The following CNIH3 variants were observed in gnomAD, a reference collection of about 807,000 sequenced individuals.
The protein encoded by CNIH3 is protein cornichon homolog 3.
Under a neutral mutation model 24.1 loss-of-function variants are expected in CNIH3, and 14 were observed. The ratio of observed to expected loss-of-function variants is 0.58; its 90% confidence interval spans 0.38 to 0.91. The LOEUF is 0.91. Ranked by LOEUF, CNIH3 falls within the 40% of genes least tolerant of loss-of-function variation. The pLI is 0.00. For synonymous variants in CNIH3, 68 were observed against 73.8 expected (o/e 0.92, Z 0.40); for missense variants, 178 against 196.8 (o/e 0.90, Z 0.57).
At chr1:224,553,676 C>T (rs1037509054) in intron 3 of CNIH3, among the ~76,000 whole-genome samples, 1 of 152,098 alleles carries the variant, frequency 6.6e-6, no homozygotes, top group Admixed American at 6.6e-5. Context: ...GTTTGACATG[C>T]ACCCTCCAGT....
Position 224,706,888 on chromosome 1 carries a change from A to G in CNIH3, c.198+22045A>G, listed in dbSNP as rs574359809. Among the ~76,000 whole-genome samples the G allele has an allele frequency of 7.3e-5, 11 of 150,590 alleles. No homozygotes were observed. In the South Asian group the frequency reaches 1.3e-3, roughly 17 times the overall value. On this transcript the variant is annotated intron_variant, in intron 3 of 5. Coordinates refer to ENST00000272133, the MANE Select transcript of CNIH3 (RefSeq NM_152495.2). ...TTGACTTTTCATTATTCACATGTGG[A>G]TAATTTTTCATATTATTATGTACTT...
chr1:224,569,273 T>C (rs747555979), intron 4 of CNIH3, among the ~76,000 whole-genome samples: 4 of 152,342 alleles, frequency 2.6e-5, no homozygotes, highest in Admixed American at 1.3e-4. Context: ...GGAATCATAC[T>C]GTATGAATTT....
In CNIH3 at chr1:224,546,704, T is replaced by G. The variant is rs190742841; in HGVS notation, n.340-125T>G. On this transcript the variant is annotated intron_variant and non_coding_transcript_variant, in intron 2 of 5. Coordinates refer to the CNIH3 transcript ENST00000471578. ...AACCCACTGCTCCAGGAAGCACCTA[T>G]TTTTCATGCCTTCTGTGAGTTGTCA... is the stretch of plus-strand genomic sequence containing the variant. The G allele has an allele frequency of 2.6e-3, 413 of 161,734 alleles. 3 individuals are homozygous for G. Among genetic ancestry groups the G allele is most frequent in the Middle Eastern group, 0.025 (8 of 320 alleles). 10.0% of individuals were successfully genotyped at this position (161,734 alleles called of 1,614,324 possible). A position where few individuals can be genotyped will look rare whatever the true frequency, so the allele number is the denominator to read the frequency against.
upstream of CNIH3, among the ~76,000 whole-genome samples, chr1:224,512,175 CA>C (rs71779272): frequency 0.21 from 27,673 of 132,718 alleles, 2,583 homozygotes; most frequent in South Asian, 0.28. Flanking sequence ...AACACCGTCT[CA>C]AAAAAAAAAA....
At chr1:224,519,177 G>A (rs1339964303) in intron 1 of CNIH3, among the ~76,000 whole-genome samples, 3 of 152,122 alleles carry the variant, frequency 2.0e-5, no homozygotes, top group East Asian at 1.9e-4. Flanking sequence ...CTGAAACTGG[G>A]CAATTTATAA....
At chr1:224,510,369 A>G (rs1008005863) in intron 1 of CNIH3, among the ~76,000 whole-genome samples, 1 of 152,032 alleles carries the variant, frequency 6.6e-6, no homozygotes, top group African/African-American at 2.4e-5. Flanking sequence ...AACGATCACT[A>G]TCAGCAGTCG....
chr1:224,607,758 A>G (rs541783176), intron 3 of CNIH3, among the ~76,000 whole-genome samples: 2 of 152,220 alleles, frequency 1.3e-5, no homozygotes, highest in South Asian at 4.2e-4. Flanking sequence ...CCTGAGCAAA[A>G]GGTGAGGGAG....
At chr1:224,541,384 G>A (rs1679506113), downstream of CNIH3, among the ~76,000 whole-genome samples, 2 of 152,098 alleles carry the variant, frequency 1.3e-5, no homozygotes, top group South Asian at 4.1e-4. Flanking sequence ...TATCATACAT[G>A]ATTAGGGTCA....
intron 1 of CNIH3, among the ~76,000 whole-genome samples, chr1:224,461,948 G>A (rs1037876915): frequency 1.3e-5 from 2 of 152,032 alleles, no homozygotes; most frequent in Non-Finnish European, 2.9e-5. Flanking sequence ...TGTTTTCAAT[G>A]TTCATCCACG....
intron 1 of CNIH3, among the ~76,000 whole-genome samples, chr1:224,623,946 C>A (rs1045861145): frequency 6.6e-6 from 1 of 152,204 alleles, no homozygotes; most frequent in African/African-American, 2.4e-5. Flanking sequence ...TCTTCCCTTG[C>A]AGAGTGGTTT....
At chr1:224,546,893 G>T in exon 3 of CNIH3, 2 of 985,322 alleles carry the variant, frequency 2.0e-6, no homozygotes, top group Non-Finnish European at 2.4e-6. Flanking sequence ...GGACACAGCA[G>T]GTGCTGGAAG....
intron 1 of CNIH3, among the ~76,000 whole-genome samples, chr1:224,491,066 A>G (rs185136215): frequency 6.6e-6 from 1 of 152,328 alleles, no homozygotes; most frequent in African/African-American, 2.4e-5. Context: ...TTAGGTTCTC[A>G]ATCTTGTCTG....
intron 3 of CNIH3, among the ~76,000 whole-genome samples, chr1:224,693,162 A>C (rs753466982): frequency 3.9e-5 from 6 of 152,236 alleles, no homozygotes; most frequent in Non-Finnish European, 7.3e-5. Flanking sequence ...AGAGGGAAAG[A>C]GGGAACATTT....
intron 1 of CNIH3, among the ~76,000 whole-genome samples, chr1:224,665,437 A>C (rs1685547993): frequency 6.6e-6 from 1 of 152,230 alleles, no homozygotes; most frequent in Non-Finnish European, 1.5e-5. Context: ...ATTCGTTGCA[A>C]GCACTGGGCC....
chr1:224,736,996 C>G (rs1391407306), intron 5 of CNIH3, among the ~76,000 whole-genome samples: 1 of 152,142 alleles, frequency 6.6e-6, no homozygotes, highest in Admixed American at 6.5e-5. Flanking sequence ...TGGCCTGTCC[C>G]CAGAGACAGC....
chr1:224,569,391 T>C (rs1377202705), intron 4 of CNIH3, among the ~76,000 whole-genome samples: 1 of 152,220 alleles, frequency 6.6e-6, no homozygotes. Flanking sequence ...CGCTAGAGCA[T>C]ATAAATACAC....
intron 3 of CNIH3, among the ~76,000 whole-genome samples, chr1:224,690,614 A>G (rs1297560998): frequency 6.6e-6 from 1 of 152,214 alleles, no homozygotes; most frequent in East Asian, 1.9e-4. Context: ...TGGCTTGACA[A>G]TTCTGTGATT....
chr1:224,661,195 T>C, intron 1 of CNIH3: 1 of 263,234 alleles, frequency 3.8e-6, no homozygotes, highest in Non-Finnish European at 8.1e-6. Flanking sequence ...GCACAGCTGC[T>C]GCTCCTCACC....
At chr1:224,638,155 C>A (rs1684183942) in intron 1 of CNIH3, among the ~76,000 whole-genome samples, 1 of 152,258 alleles carries the variant, frequency 6.6e-6, no homozygotes, top group African/African-American at 2.4e-5. Context: ...ATCCTAGAGA[C>A]TGGGTAGGGC....
Sources: allele counts gnomAD v4.1 joint callset (sites outside exome capture counted in the v4.1 genomes callset), GRCh38; gene constraint gnomAD v4.1.1; transcripts MANE v1.5; gene names NCBI Gene and HGNC (gene_info 2026-07-23, HGNC 2026-07-21).